Variants in HES3 observed in about 807,000 individuals in gnomAD.
HES3 encodes the protein transcription factor HES-3.
A neutral mutation model predicts 8.0 loss-of-function variants in HES3; 6 were observed. The ratio of observed to expected loss-of-function variants is 0.75; its 90% CI spans 0.41 to 1.49. The LOEUF is 1.49. HES3 is among the 40% of genes most tolerant of loss of function. HES3 has a pLI of 0.01. For missense variants in HES3, 266 were observed against 260.9 expected, an observed-to-expected ratio of 1.02 and a Z score of -0.13; for synonymous variants, 121 against 119.4, an observed-to-expected ratio of 1.01 and a Z score of -0.09.
Position 6,245,199 on chromosome 1 carries a change from G to GAC in HES3, c.254_255insCA (p.Glu85AspfsTer102). 6.6e-7 allele frequency: 1 copy of GAC among 1,525,864 alleles called. No individual in the cohort carries two copies. Among genetic ancestry groups the GAC allele is most frequent in the Non-Finnish European group, 8.7e-7 (1 of 1,143,530 alleles). The allele number at this position is 1,525,864 out of a possible 1,614,324, so 94.5% of individuals were successfully genotyped here. ...GAGCCAGCTCCTTCGGCGCGGAGAT[G>GAC]AGGTCGGCAGCGGCCTGCGCTGCCC... On this transcript the variant is annotated frameshift_variant, in exon 4 of 4. Transcript: ENST00000377898. LOFTEE classifies it low-confidence loss of function (END_TRUNC).
At chr1:6,245,079 C>A (rs752312351) in intron 3 of HES3, 31 bp from the exon 4 acceptor site, 1 of 1,386,800 alleles carries the variant, frequency 7.2e-7, no homozygotes, top group Non-Finnish European at 9.4e-7. Context: ...CTCTTCCCCT[C>A]CCTGTTTCTC....
rs1638285909 is a variant in HES3 at position 6,245,475 on chromosome 1, C to T, written c.529C>T (p.Pro177Ser). The change falls in exon 4 of 4, where the codon CCC becomes TCC. Residue 177 changes from proline to serine, a missense_variant. Transcript: ENST00000377898. ...SPGLGLRVWRPWGSPGDDLN is the reference protein window; with the variant it reads ...SPGLGLRVWRSWGSPGDDLN ...CGGGCTGGGCCTGCGCGTGTGGCGGCCCTGGGGAAGCCCCGGGGATGACCT... is the reference window on the plus strand; with the variant it reads ...CGGGCTGGGCCTGCGCGTGTGGCGGTCCTGGGGAAGCCCCGGGGATGACCT... 1 of 1,517,880 alleles carries T rather than the reference C, an allele frequency of 6.6e-7. No individual in the cohort carries two copies. The allele number at this position is 1,517,880 out of a possible 1,614,324, so 94.0% of individuals were successfully genotyped here.
chr1:6,245,189 G>A lies in HES3; in HGVS notation c.243G>A (p.Arg81=), dbSNP rs1444464201. 6.6e-7 allele frequency: 1 copy of A among 1,525,688 alleles called. No homozygotes were observed. Among genetic ancestry groups the A allele is most frequent in the Middle Eastern group, 2.0e-4 (1 of 4,946 alleles). 94.5% of individuals were successfully genotyped at this position (1,525,688 alleles called of 1,614,324 possible). A position where few individuals can be genotyped will look rare whatever the true frequency, so the allele number is the denominator to read the frequency against. The part of the protein sequence containing the change: ...SCLPGVSQLL[R]RGDEVGSGLR... ...TGCCCGGCGTGAGCCAGCTCCTTCG[G>A]CGCGGAGATGAGGTCGGCAGCGGCC... is the stretch of plus-strand genomic sequence containing the variant. Residue 81 remains arginine, a synonymous_variant, in exon 4 of 4, where the codon CGG becomes CGA. Coordinates refer to ENST00000377898, the MANE Select transcript of HES3 (RefSeq NM_001024598.4).
At position 6,244,572 on chromosome 1, in the gene HES3, G is replaced by GCCGACAT; in HGVS notation, c.109_115dup (p.Leu39ArgfsTer49). On this transcript the variant is annotated frameshift_variant, in exon 3 of 4. Coordinates refer to ENST00000377898, the MANE Select transcript of HES3 (RefSeq NM_001024598.4). LOFTEE classifies it high-confidence loss of function. ...GATCCGGAAGCGCAAATTGGAGAAG[G>GCCGACAT]CCGACATCCTGGAGTTGAGCGTGAA... The GCCGACAT allele has an allele frequency of 6.2e-7, 1 of 1,613,538 alleles. No individual in the cohort carries two copies.
In HES3 at chr1:6,244,244, C is replaced by A; in HGVS notation, c.-16+3C>A. On this transcript the variant is annotated splice_donor_region_variant and intron_variant, in intron 1 of 3. Transcript: ENST00000377898. ...GCCTCCCCGGCAACTTCCGAAAGGT[C>A]TGGGGTCTTGAGGGACTAGGGGCAG... is the stretch of plus-strand genomic sequence containing the variant. 1 of 885,054 alleles carries A rather than the reference C, an allele frequency of 1.1e-6. No individual in the cohort carries two copies. Among genetic ancestry groups the A allele is most frequent in the Admixed American group, 1.9e-5 (1 of 52,292 alleles). The allele number at this position is 885,054 out of a possible 1,614,324, so 54.8% of individuals were successfully genotyped here. A position where few individuals can be genotyped will look rare whatever the true frequency, so the allele number is the denominator to read the frequency against.
chr1:6,244,611 C>T lies in HES3; in HGVS notation c.145C>T (p.Leu49Phe), dbSNP rs1334476088. The change falls in exon 3 of 4, where the codon CTT becomes TTT. Residue 49 changes from leucine to phenylalanine, a missense_variant. Leu to Phe is a conservative substitution (Grantham distance 22). Transcript: ENST00000377898. ...GTTGAGCGTGAAGTACATGAGAAGC[C>T]TTCAGAACTCCTTGCAAGGTATAGG... ...LELSVKYMRS[L>F]QNSLQGLWPV... The T allele has an allele frequency of 1.9e-6, 3 of 1,613,516 alleles. No homozygotes were observed. In the East Asian group the frequency reaches 6.7e-5, roughly 36 times the overall value.
In HES3 at chr1:6,245,174, G is replaced by A; in HGVS notation, c.228G>A (p.Val76=). The change falls in exon 4 of 4, where the codon GTG becomes GTA. Residue 76 remains valine (V), a synonymous_variant. Coordinates refer to ENST00000377898, the MANE Select transcript of HES3 (RefSeq NM_001024598.4). Reference sequence around the variant, plus strand: ...GCTTCCGCAGCTGCCTGCCCGGCGTGAGCCAGCTCCTTCGGCGCGGAGATG... The same window carrying A: ...GCTTCCGCAGCTGCCTGCCCGGCGTAAGCCAGCTCCTTCGGCGCGGAGATG... The part of the protein sequence containing the change: ...PSGFRSCLPG[V]SQLLRRGDEV... 1 of 1,531,516 alleles carries A rather than the reference G, an allele frequency of 6.5e-7. No individual in the cohort carries two copies. Among genetic ancestry groups the A allele is most frequent in the Non-Finnish European group, 8.7e-7 (1 of 1,145,950 alleles). The allele number at this position is 1,531,516 out of a possible 1,614,324, so 94.9% of individuals were successfully genotyped here.
rs1638252180 is a variant in HES3 at position 6,244,200 on chromosome 1, G to A, written c.-57G>A. 1 of 642,430 alleles carries A rather than the reference G, an allele frequency of 1.6e-6. No homozygotes were observed. 39.8% of individuals were successfully genotyped at this position (642,430 alleles called of 1,614,324 possible). Reference sequence around the variant, plus strand: ...GTGCATGGACTGCAACATGGGCACGGAGCCTGCTGCCCGGGGCAGCCTCCC... The same window carrying A: ...GTGCATGGACTGCAACATGGGCACGAAGCCTGCTGCCCGGGGCAGCCTCCC... On this transcript the variant is annotated 5_prime_UTR_variant, in exon 1 of 4. Coordinates refer to ENST00000377898, the MANE Select transcript of HES3 (RefSeq NM_001024598.4).
chr1:6,244,584 G>C lies in HES3; in HGVS notation c.118G>C (p.Glu40Gln). The C allele has an allele frequency of 6.2e-7, 1 of 1,614,040 alleles. No individual in the cohort carries two copies. The highest frequency in any genetic ancestry group is 1.7e-5 in the Admixed American group (1 of 60,022). The change falls in exon 3 of 4, where the codon GAG becomes CAG. Residue 40 changes from glutamate to glutamine, a missense_variant. Glu to Gln is a conservative substitution (Grantham distance 29, BLOSUM62 2). Transcript: ENST00000377898. ...KRKLEKADIL[E>Q]LSVKYMRSLQ... is the part of the protein sequence containing the mutation. ...CAAATTGGAGAAGGCCGACATCCTG[G>C]AGTTGAGCGTGAAGTACATGAGAAG...
Position 6,244,632 on chromosome 1 carries a change from A to G in HES3, c.163+3A>G. 2 of 1,611,174 alleles carry G rather than the reference A, an allele frequency of 1.2e-6. No individual in the cohort carries two copies. Among genetic ancestry groups the G allele is most frequent in the Admixed American group, 1.7e-5 (1 of 59,852 alleles). ...AAGCCTTCAGAACTCCTTGCAAGGT[A>G]TAGGGGAGGGCTGGAGGGAGGAGGG... On this transcript the variant is annotated splice_donor_region_variant and intron_variant, in intron 3 of 3. Transcript: ENST00000377898.
Position 6,245,517 on chromosome 1 carries a change from C to G in HES3, c.*10C>G, listed in dbSNP as rs767617187. 1 of 1,472,660 alleles carries G rather than the reference C, an allele frequency of 6.8e-7. No individual in the cohort carries two copies. Among genetic ancestry groups the G allele is most frequent in the Non-Finnish European group, 8.9e-7 (1 of 1,124,686 alleles). 91.2% of individuals were successfully genotyped at this position (1,472,660 alleles called of 1,614,324 possible). ...GGATGACCTGAACTGAAGGCGCTCC[C>G]TATTTGGTCTCGCGACACAGGGACT... On this transcript the variant is annotated 3_prime_UTR_variant, in exon 4 of 4. Coordinates refer to ENST00000377898, the MANE Select transcript of HES3 (RefSeq NM_001024598.4).
At chr1:6,244,685 T>C (rs1557607473) in intron 3 of HES3, 56 bp downstream of exon 3, 27 of 1,478,206 alleles carry the variant, frequency 1.8e-5, no homozygotes, top group Non-Finnish European at 2.1e-5. Flanking sequence ...GAGCCAGGGA[T>C]GCACAAGGCC....
rs1194304270 is a variant in HES3 at position 6,244,363 on chromosome 1, C to T, written c.-3C>T. On this transcript the variant is annotated 5_prime_UTR_variant, in exon 2 of 4. Coordinates refer to ENST00000377898, the MANE Select transcript of HES3 (RefSeq NM_001024598.4). ...TGTTCATCTGCAGATTTCCAAGCCGCTGATGGAGAAAAAGCGCCGGGCACG... is the reference window on the plus strand; with the variant it reads ...TGTTCATCTGCAGATTTCCAAGCCGTTGATGGAGAAAAAGCGCCGGGCACG... The T allele has an allele frequency of 1.9e-6, 3 of 1,607,794 alleles. No homozygotes were observed. The Admixed American group carries it at 5.0e-5, about 27-fold the overall frequency.
chr1:6,244,716 A>G, intron 3 of HES3, 87 bp downstream of exon 3: 1 of 1,224,350 alleles, frequency 8.2e-7, no homozygotes, highest in Non-Finnish European at 1.2e-6. Flanking sequence ...GGATACCTCA[A>G]GGACCGCTTG....
In HES3 at chr1:6,245,360, A is replaced by G. The variant is rs1423073204; in HGVS notation, c.414A>G (p.Pro138=). The change falls in exon 4 of 4, where the codon CCA becomes CCG. Residue 138 remains proline (P), a synonymous_variant. Coordinates refer to ENST00000377898, the MANE Select transcript of HES3 (RefSeq NM_001024598.4). ...APAAGGPRSP[P]PLLLLPESLP... Reference sequence around the variant, plus strand: ...CCGCCGGCGGCCCGCGGTCCCCACCACCCCTGCTCCTCCTCCCCGAAAGTC... The same window carrying G: ...CCGCCGGCGGCCCGCGGTCCCCACCGCCCCTGCTCCTCCTCCCCGAAAGTC... 1 of 1,498,954 alleles carries G rather than the reference A, an allele frequency of 6.7e-7. No homozygotes were observed. Among genetic ancestry groups the G allele is most frequent in the Admixed American group, 2.2e-5 (1 of 46,444 alleles). 92.9% of individuals were successfully genotyped at this position (1,498,954 alleles called of 1,614,324 possible).
In HES3 at chr1:6,244,349, A is replaced by C. The variant is rs758648876; in HGVS notation, c.-15-2A>C. 1 of 1,611,216 alleles carries C rather than the reference A, an allele frequency of 6.2e-7. No homozygotes were observed. The highest frequency in any genetic ancestry group is 8.5e-7 in the Non-Finnish European group (1 of 1,178,516). ...TGCACTCTAAAGGCTGTTCATCTGC[A>C]GATTTCCAAGCCGCTGATGGAGAAA... On this transcript the variant is annotated splice_acceptor_variant, in intron 1 of 3. Transcript: ENST00000377898. LOFTEE classifies it low-confidence loss of function (5UTR_SPLICE).
intron 3 of HES3, 86 bp from the exon 4 acceptor site, chr1:6,245,024 C>CCT (rs1638270266): frequency 6.5e-6 from 2 of 305,900 alleles, no homozygotes; most frequent in Non-Finnish European, 1.2e-5. Context: ...CCTCCCCTCC[C>CCT]TCCCCCTTCC....
At position 6,245,293 on chromosome 1, in the gene HES3, T is replaced by G; in HGVS notation, c.347T>G (p.Leu116Arg). ...SAGLGQEAPA[L>R]FRPCTPAVWA... Reference sequence around the variant, plus strand: ...GGGTTGGGCCAGGAGGCGCCCGCGCTGTTCCGCCCTTGCACCCCTGCCGTC... The same window carrying G: ...GGGTTGGGCCAGGAGGCGCCCGCGCGGTTCCGCCCTTGCACCCCTGCCGTC... The change falls in exon 4 of 4, where the codon CTG (leucine) becomes CGG (arginine). Residue 116 changes from leucine to arginine, a missense_variant. Leu to Arg is a moderately radical substitution (Grantham distance 102, BLOSUM62 -2). Transcript: ENST00000377898. 6.7e-7 allele frequency: 1 copy of G among 1,497,052 alleles called. No homozygotes were observed. The highest frequency in any genetic ancestry group is 1.3e-5 in the South Asian group (1 of 79,216). 92.7% of individuals were successfully genotyped at this position (1,497,052 alleles called of 1,614,324 possible). A position where few individuals can be genotyped will look rare whatever the true frequency, so the allele number is the denominator to read the frequency against.
rs757009296 is a variant in HES3, at chr1:6,244,597, A to G, written c.131A>G (p.Lys44Arg). ...EKADILELSV[K>R]YMRSLQNSLQ... ...GCCGACATCCTGGAGTTGAGCGTGA[A>G]GTACATGAGAAGCCTTCAGAACTCC... Residue 44 changes from lysine to arginine, a missense_variant, in exon 3 of 4, where the codon AAG becomes AGG. Coordinates refer to ENST00000377898, the MANE Select transcript of HES3 (RefSeq NM_001024598.4). 1 of 1,613,914 alleles carries G rather than the reference A, an allele frequency of 6.2e-7. No individual in the cohort carries two copies. The highest frequency in any genetic ancestry group is 8.5e-7 in the Non-Finnish European group (1 of 1,179,964).
Sources: gnomAD v4.1 joint callset for allele counts on GRCh38, gnomAD v4.1.1 for gene constraint, MANE v1.5 for transcripts, NCBI Gene and HGNC (gene_info 2026-07-23, HGNC 2026-07-21) for gene names.